The following ZNF804A variants were observed in gnomAD, a reference collection of about 807,000 sequenced individuals.
ZNF804A encodes the protein zinc finger protein 804A.
ZNF804A carries 2 observed loss-of-function variants against 16.5 expected under a neutral mutation model. That is an observed-to-expected ratio of 0.12 (90% CI 0.05 to 0.38). The LOEUF (loss-of-function observed/expected upper bound fraction) is 0.38. Among genes scored for constraint, ZNF804A ranks in the 10% least tolerant of loss-of-function variants. The pLI, the probability that ZNF804A is intolerant of heterozygous loss-of-function variation, is 0.99. For synonymous variants in ZNF804A, 534 were observed against 489.6 expected, an observed-to-expected ratio of 1.09 and a Z score of -1.20; for missense variants, 1,473 against 1,390.7, an observed-to-expected ratio of 1.06 and a Z score of -0.94.
chr2:184,726,125 T>C (rs1005009331), intron 1 of ZNF804A, among the ~76,000 whole-genome samples: 5 of 151,634 alleles, frequency 3.3e-5, no homozygotes, highest in Non-Finnish European at 7.4e-5. Context: ...AGAAATAAGT[T>C]TTCTTCATTT....
At chr2:184,907,742 C>T (rs1390085722) in intron 2 of ZNF804A, among the ~76,000 whole-genome samples, 2 of 151,940 alleles carry the variant, frequency 1.3e-5, no homozygotes, top group Non-Finnish European at 2.9e-5. Context: ...AGATACAAAT[C>T]GTTAAAGGTT....
chr2:184,863,280 TA>T (rs1695827102), intron 1 of ZNF804A, among the ~76,000 whole-genome samples: 1 of 152,168 alleles, frequency 6.6e-6, no homozygotes, highest in Non-Finnish European at 1.5e-5. Context: ...TGTGCTTCAT[TA>T]TTTCCATCTG....
At chr2:184,691,534 C>T (rs575505648) in intron 1 of ZNF804A, among the ~76,000 whole-genome samples, 14 of 151,510 alleles carry the variant, frequency 9.2e-5, no homozygotes, top group Non-Finnish European at 1.9e-4. Flanking sequence ...TGAATCTATA[C>T]ATAAACCTTT....
chr2:184,814,671 G>A (rs1479709385), intron 1 of ZNF804A, among the ~76,000 whole-genome samples: 1 of 152,024 alleles, frequency 6.6e-6, no homozygotes, highest in African/African-American at 2.4e-5. Flanking sequence ...TTGTCTGGTA[G>A]CTGAGAGGCC....
At chr2:184,775,696 C>T (rs962589336) in intron 1 of ZNF804A, among the ~76,000 whole-genome samples, 1 of 151,552 alleles carries the variant, frequency 6.6e-6, no homozygotes. Context: ...TAATTATCCA[C>T]GGAAGCTTGA....
chr2:184,794,572 C>CA (rs1553479128), intron 1 of ZNF804A, among the ~76,000 whole-genome samples: 1 of 151,636 alleles, frequency 6.6e-6, no homozygotes, highest in Non-Finnish European at 1.5e-5. Flanking sequence ...ACCTATAGAA[C>CA]AAAAATACTT....
intron 1 of ZNF804A, among the ~76,000 whole-genome samples, chr2:184,814,724 C>T (rs908855773): frequency 1.3e-5 from 2 of 152,016 alleles, no homozygotes; most frequent in African/African-American, 2.4e-5. Flanking sequence ...TTAAAATCCA[C>T]TTATATTTCT....
intron 1 of ZNF804A, among the ~76,000 whole-genome samples, chr2:184,607,268 T>C (rs1041606949): frequency 7.2e-5 from 11 of 152,194 alleles, no homozygotes; most frequent in African/African-American, 2.7e-4. Flanking sequence ...GATAAAATAT[T>C]GTATTAGTCT....
intron 1 of ZNF804A, among the ~76,000 whole-genome samples, chr2:184,683,398 A>C (rs1257439355): frequency 6.6e-6 from 1 of 152,184 alleles, no homozygotes; most frequent in East Asian, 1.9e-4. Flanking sequence ...CAGTGCTTTT[A>C]TATTTCCTAC....
At chr2:184,752,359 T>C (rs914300750) in intron 1 of ZNF804A, among the ~76,000 whole-genome samples, 2 of 151,704 alleles carry the variant, frequency 1.3e-5, no homozygotes, top group Non-Finnish European at 3.0e-5. Context: ...GTCATTATCC[T>C]AAGAGAACTA....
At chr2:184,677,088 T>A (rs1692450589) in intron 1 of ZNF804A, among the ~76,000 whole-genome samples, 2 of 151,864 alleles carry the variant, frequency 1.3e-5, no homozygotes, top group Admixed American at 6.6e-5. Context: ...ATTTTTTCCC[T>A]ATTATTATCA....
intron 1 of ZNF804A, among the ~76,000 whole-genome samples, chr2:184,688,713 CA>C (rs141196255): frequency 0.012 from 1,878 of 151,886 alleles, 33 homozygotes; most frequent in African/African-American, 0.043. Context: ...GTATTATGAA[CA>C]ATTAAAGGAA....
chr2:184,682,310 C>T (rs1043812282), intron 1 of ZNF804A, among the ~76,000 whole-genome samples: 1 of 152,064 alleles, frequency 6.6e-6, no homozygotes, highest in Non-Finnish European at 1.5e-5. Context: ...CTCAAGGACC[C>T]CATTACGTTA....
intron 1 of ZNF804A, among the ~76,000 whole-genome samples, chr2:184,750,494 G>T (rs563484585): frequency 6.6e-6 from 1 of 151,210 alleles, no homozygotes; most frequent in Non-Finnish European, 1.5e-5. Flanking sequence ...TGCACTAATC[G>T]TTTTTTAAAT....
At chr2:184,858,665 A>G (rs746769732) in intron 1 of ZNF804A, among the ~76,000 whole-genome samples, 1 of 151,962 alleles carries the variant, frequency 6.6e-6, no homozygotes, top group Non-Finnish European at 1.5e-5. Context: ...TATTTTAAAT[A>G]TTTTTTTGAA....
At chr2:184,870,242 A>G (rs1217528865) in intron 2 of ZNF804A, among the ~76,000 whole-genome samples, 1 of 152,042 alleles carries the variant, frequency 6.6e-6, no homozygotes, top group East Asian at 1.9e-4. Context: ...TTTTAAGGTT[A>G]CAGATATATG....
chr2:184,917,298 A>G (rs186091521), intron 2 of ZNF804A, among the ~76,000 whole-genome samples: 4 of 152,252 alleles, frequency 2.6e-5, no homozygotes, highest in Admixed American at 2.0e-4. Flanking sequence ...AAAGATACCA[A>G]TCCCTTCCCC....
intron 1 of ZNF804A, among the ~76,000 whole-genome samples, chr2:184,618,097 A>G (rs1252675017): frequency 6.6e-6 from 1 of 152,128 alleles, no homozygotes; most frequent in African/African-American, 2.4e-5. Flanking sequence ...CAAGTAATGA[A>G]TAATATGCAT....
chr2:184,920,475 A>T (rs959064214), intron 2 of ZNF804A, among the ~76,000 whole-genome samples: 3 of 152,132 alleles, frequency 2.0e-5, no homozygotes, highest in African/African-American at 7.2e-5. Context: ...CACCTTCTCA[A>T]TGCGGACCTC....
Sources: allele counts gnomAD v4.1 joint callset (sites outside exome capture counted in the v4.1 genomes callset), GRCh38; gene constraint gnomAD v4.1.1; transcripts MANE v1.5; gene names NCBI Gene and HGNC (gene_info 2026-07-23, HGNC 2026-07-21).